The following MALRD1 variants were observed in gnomAD, a reference collection of about 807,000 sequenced individuals.
The protein encoded by MALRD1 is MAM and LDL-receptor class A domain-containing protein 1.
A neutral mutation model predicts 242.1 loss-of-function variants in MALRD1; 247 were observed. That is an observed-to-expected ratio of 1.02 (90% confidence interval 0.92 to 1.13). The LOEUF (loss-of-function observed/expected upper bound fraction) is 1.13, where lower values mean the gene tolerates loss of function less well. Ranked by LOEUF, MALRD1 falls within the 50% of genes most tolerant of loss-of-function variation. The probability of loss-of-function intolerance (pLI) is 0.00; values close to 1 mark genes in which losing one functional copy is unlikely to be tolerated. For synonymous variants in MALRD1, 995 were observed against 866.6 expected (o/e 1.15, Z -2.60); for missense variants, 2,989 against 2,533.1 (o/e 1.18, Z -3.86).
intron 33 of MALRD1, among the ~76,000 whole-genome samples, chr10:19,583,610 G>C (rs894041737): frequency 3.9e-5 from 6 of 152,108 alleles, no homozygotes; most frequent in Non-Finnish European, 7.3e-5. Flanking sequence ...TCGATGTGCT[G>C]CTGGATTCGG....
rs944603676 is a variant in MALRD1, at chr10:19,685,678, A to G, written c.6138-6604A>G. On this transcript the variant is annotated intron_variant, in intron 36 of 39. Coordinates refer to ENST00000454679, the MANE Select transcript of MALRD1 (RefSeq NM_001142308.3). ...CTTTGAAGGCTCTGTCTTCCTATCA[A>G]TTGATTTTATCCCTAGGCTGCTTAT... Among the ~76,000 whole-genome samples the G allele has an allele frequency of 3.9e-5, 6 of 152,164 alleles. No homozygotes were observed. The East Asian group carries it at 1.2e-3, about 29-fold the overall frequency.
At chr10:19,407,379 C>T (rs1011065015) in intron 28 of MALRD1, among the ~76,000 whole-genome samples, 9 of 152,052 alleles carry the variant, frequency 5.9e-5, no homozygotes, top group Non-Finnish European at 1.0e-4. Context: ...CAACTCAGGA[C>T]GCTGAGGTGG....
chr10:19,358,653 C>T (rs901188359), intron 26 of MALRD1, among the ~76,000 whole-genome samples: 4 of 152,106 alleles, frequency 2.6e-5, no homozygotes, highest in South Asian at 2.1e-4. Context: ...TGGGGACTGT[C>T]GGAATCTACT....
chr10:19,317,956 T>G (rs1465615712), intron 21 of MALRD1, among the ~76,000 whole-genome samples: 1 of 152,094 alleles, frequency 6.6e-6, no homozygotes, highest in Non-Finnish European at 1.5e-5. Context: ...CCTTTACTAC[T>G]GTGTGGTTTA....
At chr10:19,705,046 C>G (rs188014588) in intron 38 of MALRD1, among the ~76,000 whole-genome samples, 1 of 152,134 alleles carries the variant, frequency 6.6e-6, no homozygotes, top group South Asian at 2.1e-4. Context: ...GTGAGAGGTA[C>G]AGAATATTGT....
intron 2 of MALRD1, among the ~76,000 whole-genome samples, chr10:19,080,603 A>T (rs1165012261): frequency 6.6e-6 from 1 of 152,068 alleles, no homozygotes; most frequent in Non-Finnish European, 1.5e-5. Flanking sequence ...CTTACACCTT[A>T]TACAAAAATT....
chr10:19,442,124 G>A (rs916167815), intron 28 of MALRD1, among the ~76,000 whole-genome samples: 1 of 152,116 alleles, frequency 6.6e-6, no homozygotes, highest in Admixed American at 6.5e-5. Context: ...TCATGATTTG[G>A]CTCTCTGTTA....
chr10:19,134,433 G>T (rs1465677294), intron 9 of MALRD1, among the ~76,000 whole-genome samples: 1 of 152,082 alleles, frequency 6.6e-6, no homozygotes, highest in Non-Finnish European at 1.5e-5. Flanking sequence ...TGTTGTATTA[G>T]GTTGGTGCAA....
intron 32 of MALRD1, among the ~76,000 whole-genome samples, chr10:19,543,127 C>G (rs753665154): frequency 3.2e-4 from 48 of 152,330 alleles, no homozygotes; most frequent in Admixed American, 5.9e-4. Context: ...AGACAGCAAT[C>G]ACACCCTACT....
intron 30 of MALRD1, among the ~76,000 whole-genome samples, chr10:19,494,547 A>G (rs1458397517): frequency 6.6e-6 from 1 of 152,202 alleles, no homozygotes; most frequent in South Asian, 2.1e-4. Flanking sequence ...ATTATGCAGG[A>G]GCTGACGGAT....
chr10:19,245,184 A>G lies in MALRD1; in HGVS notation c.2992-12500A>G, dbSNP rs189805391. On this transcript the variant is annotated intron_variant, in intron 18 of 39. Coordinates refer to ENST00000454679, the MANE Select transcript of MALRD1 (RefSeq NM_001142308.3). ...TCCTAGATTCCGCATGAGCTTATGC[A>G]CTGAGAGTTCACAATGAGATGCAGC... 4.0e-4 allele frequency among the ~76,000 whole-genome samples: 61 copies of G among 152,320 alleles called. 1 individual carries two copies. The South Asian group carries it at 0.011, about 27-fold the overall frequency.
At chr10:19,281,921 C>T (rs1295649770) in intron 20 of MALRD1, among the ~76,000 whole-genome samples, 1 of 146,602 alleles carries the variant, frequency 6.8e-6, no homozygotes, top group Non-Finnish European at 1.5e-5. Flanking sequence ...CGAGATCGTG[C>T]CAATGCACTC....
intron 1 of MALRD1, among the ~76,000 whole-genome samples, chr10:19,065,185 G>A (rs923367547): frequency 6.7e-6 from 1 of 150,204 alleles, no homozygotes; most frequent in African/African-American, 2.4e-5. Flanking sequence ...TACTTGGGAG[G>A]CTGAGGCAGG....
intron 1 of MALRD1, among the ~76,000 whole-genome samples, chr10:19,054,803 A>G (rs7475679): frequency 0.45 from 68,225 of 152,010 alleles, 16,258 homozygotes; most frequent in African/African-American, 0.62. Context: ...GTATCCATTG[A>G]TGTACACTTA....
intron 2 of MALRD1, among the ~76,000 whole-genome samples, chr10:19,067,214 C>T (rs1835008434): frequency 6.6e-6 from 1 of 152,050 alleles, no homozygotes; most frequent in South Asian, 2.1e-4. Context: ...ATTAATTAGT[C>T]AAATTACTTT....
intron 29 of MALRD1, among the ~76,000 whole-genome samples, chr10:19,452,184 T>A (rs371650309): frequency 1.3e-5 from 2 of 152,330 alleles, no homozygotes; most frequent in South Asian, 2.1e-4. Flanking sequence ...TAAGAGAAAT[T>A]CCTTTCCTCT....
intron 13 of MALRD1, 73 bp downstream of exon 13, chr10:19,165,883 T>A: frequency 9.1e-7 from 1 of 1,096,416 alleles, no homozygotes; most frequent in Non-Finnish European, 1.2e-6. Context: ...GATAACAATA[T>A]AACACACATA....
chr10:19,298,309 A>G lies in MALRD1; in HGVS notation c.3419+15128A>G, dbSNP rs1242235783. Among the ~76,000 whole-genome samples the G allele has an allele frequency of 3.3e-5, 5 of 151,768 alleles. No homozygotes were observed. The East Asian group carries it at 7.8e-4, about 24-fold the overall frequency. ...ACTGCTAGAAAAGCACAAGCCATTC[A>G]TAGATAATCAGCGCCCATGACCCAA... On this transcript the variant is annotated intron_variant, in intron 21 of 39. Coordinates refer to ENST00000454679, the MANE Select transcript of MALRD1 (RefSeq NM_001142308.3).
chr10:19,169,181 CA>C (rs998677167), intron 13 of MALRD1, among the ~76,000 whole-genome samples: 6 of 151,984 alleles, frequency 3.9e-5, no homozygotes, highest in Non-Finnish European at 5.9e-5. Flanking sequence ...CCCAATCTCC[CA>C]GAGGGTGTCG....
Sources: allele counts gnomAD v4.1 joint callset (sites outside exome capture counted in the v4.1 genomes callset), GRCh38; gene constraint gnomAD v4.1.1; transcripts MANE v1.5; gene names NCBI Gene and HGNC (gene_info 2026-07-23, HGNC 2026-07-21).